TGFBR2: variants seen among roughly 807,000 people sequenced by gnomAD.
TGFBR2 encodes transforming growth factor beta receptor 2.
TGFBR2 carries 18 observed loss-of-function variants against 49.0 expected under a neutral mutation model. The observed-to-expected ratio is 0.37, with a 90% confidence interval of 0.25 to 0.54. TGFBR2 has a LOEUF of 0.54. Among genes scored for constraint, TGFBR2 ranks in the 20% least tolerant of loss-of-function variants. The pLI is 0.85. For synonymous variants in TGFBR2, 282 were observed against 275.9 expected, an observed-to-expected ratio of 1.02 and a Z score of -0.22; for missense variants, 525 against 722.6, an observed-to-expected ratio of 0.73 and a Z score of 3.13.
intron 3 of TGFBR2, among the ~76,000 whole-genome samples, chr3:30,656,774 T>C (rs974827352): frequency 3.3e-5 from 5 of 152,208 alleles, no homozygotes; most frequent in African/African-American, 1.2e-4. Flanking sequence ...AGGGATAGCA[T>C]TGGACCCAAG....
At chr3:30,613,087 A>G (rs548359904) in intron 1 of TGFBR2, among the ~76,000 whole-genome samples, 53 of 149,488 alleles carry the variant, frequency 3.5e-4, no homozygotes, top group Non-Finnish European at 6.8e-4. Context: ...GCCCGTACCT[A>G]TGACTGGGGA....
chr3:30,611,647 C>A (rs1004879716), intron 1 of TGFBR2, among the ~76,000 whole-genome samples: 2 of 146,896 alleles, frequency 1.4e-5, no homozygotes, highest in African/African-American at 5.0e-5. Flanking sequence ...GTGCTAAAAT[C>A]TAAATTTATT....
At chr3:30,664,375 T>C (rs1295061720) in intron 3 of TGFBR2, among the ~76,000 whole-genome samples, 3 of 152,200 alleles carry the variant, frequency 2.0e-5, no homozygotes, top group Non-Finnish European at 4.4e-5. Flanking sequence ...GTGAGATCCA[T>C]TTAATAATTC....
intron 3 of TGFBR2, among the ~76,000 whole-genome samples, chr3:30,652,232 GTTTTTTTTTT>G (rs11386584): frequency 2.1e-5 from 2 of 97,030 alleles, no homozygotes; most frequent in African/African-American, 8.1e-5. Flanking sequence ...TTTTCTGGTT[GTTTTTTTTTT>G]TTTTTTTTTT....
intron 1 of TGFBR2, among the ~76,000 whole-genome samples, chr3:30,628,415 T>G (rs1673476414): frequency 6.6e-6 from 1 of 151,694 alleles, no homozygotes; most frequent in African/African-American, 2.4e-5. Context: ...GTGAATAAAT[T>G]TCACCCACCT....
chr3:30,607,109 C>T lies in TGFBR2; in HGVS notation c.94+132C>T, dbSNP rs933188317. On this transcript the variant is annotated intron_variant, in intron 1 of 6. Coordinates refer to ENST00000295754, the MANE Select transcript of TGFBR2 (RefSeq NM_003242.6). ...GAAACGAGGAAAGTTTCCCCCGCGA[C>T]ACTCACGCAGCCCGACTCCCGTAGC... The T allele has an allele frequency of 9.9e-6, 7 of 706,874 alleles. No individual in the cohort carries two copies. The African/African-American group carries it at 1.1e-4, about 11-fold the overall frequency. 43.8% of individuals were successfully genotyped at this position (706,874 alleles called of 1,614,324 possible). A position where few individuals can be genotyped will look rare whatever the true frequency, so the allele number is the denominator to read the frequency against.
intron 1 of TGFBR2, among the ~76,000 whole-genome samples, chr3:30,617,574 T>C (rs1049522639): frequency 6.6e-6 from 1 of 152,220 alleles, no homozygotes; most frequent in Non-Finnish European, 1.5e-5. Context: ...ATTTCTATTC[T>C]CTTAGGCCTT....
In TGFBR2 at chr3:30,615,952, GTC is replaced by G. The variant is rs1210277205; in HGVS notation, c.94+8977_94+8978del. 4.6e-5 allele frequency among the ~76,000 whole-genome samples: 7 copies of G among 152,138 alleles called. No homozygotes were observed. In the East Asian group the frequency reaches 1.4e-3, roughly 29 times the overall value. ...GAGATGGTGTCTTACTATGTACCAA[GTC>G]TGGTCTTGAACACTGGGGCTCAGAG... On this transcript the variant is annotated intron_variant, in intron 1 of 6. Coordinates refer to ENST00000295754, the MANE Select transcript of TGFBR2 (RefSeq NM_003242.6).
At chr3:30,623,194 T>C (rs1381415459) in intron 1 of TGFBR2, 1 of 1,444,772 alleles carries the variant, frequency 6.9e-7, no homozygotes, top group East Asian at 2.3e-5. Flanking sequence ...TATCCTGTTT[T>C]ACAGATGTGG....
At chr3:30,665,247 T>C (rs1316381122) in intron 3 of TGFBR2, among the ~76,000 whole-genome samples, 2 of 152,214 alleles carry the variant, frequency 1.3e-5, no homozygotes, top group East Asian at 3.8e-4. Flanking sequence ...TCTCAAGTCA[T>C]GTTAATTATA....
At chr3:30,656,377 A>G (rs1000768171) in intron 3 of TGFBR2, among the ~76,000 whole-genome samples, 4 of 152,142 alleles carry the variant, frequency 2.6e-5, no homozygotes, top group African/African-American at 9.7e-5. Context: ...TTGTATTTGT[A>G]TTAGTTTATC....
intron 1 of TGFBR2, among the ~76,000 whole-genome samples, chr3:30,642,197 G>A (rs1435491722): frequency 6.6e-6 from 1 of 152,232 alleles, no homozygotes; most frequent in Non-Finnish European, 1.5e-5. Context: ...GTGTGAAAGA[G>A]CTAATCACCT....
intron 1 of TGFBR2, among the ~76,000 whole-genome samples, chr3:30,635,661 A>G (rs1698514600): frequency 6.6e-6 from 1 of 152,254 alleles, no homozygotes; most frequent in African/African-American, 2.4e-5. Context: ...TACAGCCAAG[A>G]TTTCAATTTA....
intron 1 of TGFBR2, among the ~76,000 whole-genome samples, chr3:30,628,510 C>T (rs1575136371): frequency 1.5e-5 from 2 of 135,992 alleles, no homozygotes; most frequent in Non-Finnish European, 3.1e-5. Flanking sequence ...AAAAAAAAGC[C>T]TTTGAAAAAG....
rs1699658292 is a variant in TGFBR2, at chr3:30,688,312, C to G, written c.1397-72C>G. On this transcript the variant is annotated intron_variant, in intron 5 of 6. Coordinates refer to ENST00000295754, the MANE Select transcript of TGFBR2 (RefSeq NM_003242.6). Reference sequence around the variant, plus strand: ...TGCTTCATGCTCCCCAGCCAGGCATCTCACCATGCTCATTTCCTTTGGCTG... The same window carrying G: ...TGCTTCATGCTCCCCAGCCAGGCATGTCACCATGCTCATTTCCTTTGGCTG... 2.2e-5 allele frequency: 35 copies of G among 1,607,580 alleles called. No individual in the cohort carries two copies. The South Asian group carries it at 3.2e-4, about 15-fold the overall frequency.
At chr3:30,645,448 G>A (rs1354577421) in intron 2 of TGFBR2, among the ~76,000 whole-genome samples, 2 of 151,294 alleles carry the variant, frequency 1.3e-5, no homozygotes, top group Non-Finnish European at 2.9e-5. Flanking sequence ...ATAACCATTG[G>A]GATAGATATG....
intron 1 of TGFBR2, 102 bp downstream of exon 1, chr3:30,607,079 G>C (rs974634937): frequency 9.9e-7 from 1 of 1,012,696 alleles, no homozygotes; most frequent in Non-Finnish European, 1.5e-6. Context: ...CCCGGCCCCC[G>C]GGCGGAAACG....
At chr3:30,669,121 C>CAAAAAAAAAAAAAAAAAAAAAAAAA (rs56069409) in intron 3 of TGFBR2, among the ~76,000 whole-genome samples, 5 of 83,476 alleles carry the variant, frequency 6.0e-5, no homozygotes, top group African/African-American at 2.2e-4. Context: ...ACTAAAAATA[C>CAAAAAAAAAAAAAAAAAAAAAAAAA]AAAAAAAAAA....
At chr3:30,686,808 C>T (rs938722168) in intron 5 of TGFBR2, among the ~76,000 whole-genome samples, 1 of 152,176 alleles carries the variant, frequency 6.6e-6, no homozygotes, top group Admixed American at 6.5e-5. Flanking sequence ...GTGTCCTGTG[C>T]TCTGTTTACA....
Sources: allele counts gnomAD v4.1 joint callset (sites outside exome capture counted in the v4.1 genomes callset), GRCh38; gene constraint gnomAD v4.1.1; transcripts MANE v1.5; gene names NCBI Gene and HGNC (gene_info 2026-07-23, HGNC 2026-07-21).